The following PRKN variants were observed in gnomAD, a reference collection of about 807,000 sequenced individuals.
PRKN encodes the protein E3 ubiquitin-protein ligase parkin.
PRKN carries 56 observed loss-of-function variants against 59.5 expected under a neutral mutation model. That is an observed-to-expected ratio of 0.94 (90% confidence interval 0.76 to 1.18). PRKN has a LOEUF of 1.18. PRKN is among the 50% of genes most tolerant of loss of function. The probability of loss-of-function intolerance (pLI) is 0.00; values close to 1 mark genes in which losing one functional copy is unlikely to be tolerated. For missense variants in PRKN, 657 were observed against 596.4 expected (o/e 1.10, Z -1.06); for synonymous variants, 250 against 222.1 (o/e 1.13, Z -1.12).
Position 161,360,207 on chromosome 6 carries a change from T to C in PRKN, c.1168-2A>G, listed in dbSNP as rs1393283491. On this transcript the variant is annotated splice_acceptor_variant, in intron 10 of 11. Transcript: ENST00000366898. LOFTEE classifies it high-confidence loss of function. The surrounding 1 kb of genome is among the most constrained non-coding windows in gnomAD (Gnocchi z 5.1). Reference sequence around the variant, plus strand: ...GGCTCTTTCATCGACTCTGTAGGCCTGGGGAAACAAAGAGGAAAGGCGTTT... The same window carrying C: ...GGCTCTTTCATCGACTCTGTAGGCCCGGGGAAACAAAGAGGAAAGGCGTTT... 2 of 1,609,196 alleles carry C rather than the reference T, an allele frequency of 1.2e-6. No homozygotes were observed. Among genetic ancestry groups the C allele is most frequent in the Non-Finnish European group, 1.7e-6 (2 of 1,175,406 alleles).
chr6:161,645,856 T>C (rs1582939636), intron 7 of PRKN, among the ~76,000 whole-genome samples: 1 of 152,208 alleles, frequency 6.6e-6, no homozygotes, highest in Non-Finnish European at 1.5e-5. Flanking sequence ...GGAAATAAGT[T>C]AGAAAAGGCC....
At chr6:161,425,522 A>T (rs894590174) in intron 9 of PRKN, among the ~76,000 whole-genome samples, 1 of 151,708 alleles carries the variant, frequency 6.6e-6, no homozygotes, top group Admixed American at 6.6e-5. Flanking sequence ...TTGGTGTCCA[A>T]CGCTGGTCTC....
chr6:161,575,064 C>T lies in PRKN; in HGVS notation c.872-5648G>A, dbSNP rs1353766435. ...TTTGTGCTCTTCTGTCGTGTTTTTCCTCTAGTTATTAAACCCATCACTCAA... is the reference window on the plus strand; with the variant it reads ...TTTGTGCTCTTCTGTCGTGTTTTTCTTCTAGTTATTAAACCCATCACTCAA... On this transcript the variant is annotated intron_variant, in intron 7 of 11. Coordinates refer to ENST00000366898, the MANE Select transcript of PRKN (RefSeq NM_004562.3). The surrounding 1 kb of genome is among the most constrained non-coding windows in gnomAD (Gnocchi z 4.6). 3.9e-5 allele frequency among the ~76,000 whole-genome samples: 6 copies of T among 152,134 alleles called. No individual in the cohort carries two copies. The highest frequency in any genetic ancestry group is 1.4e-4 in the African/African-American group (6 of 41,422).
At chr6:162,375,756 C>CACAT (rs984221968) in intron 2 of PRKN, among the ~76,000 whole-genome samples, 1 of 151,860 alleles carries the variant, frequency 6.6e-6, no homozygotes, top group African/African-American at 2.4e-5. Context: ...CACACACACA[C>CACAT]ACACACACAA....
intron 4 of PRKN, among the ~76,000 whole-genome samples, chr6:162,066,975 C>G (rs1271453213): frequency 6.6e-6 from 1 of 152,176 alleles, no homozygotes; most frequent in African/African-American, 2.4e-5. Context: ...TCCCAGCTTC[C>G]CTTGCCTGAC....
chr6:162,630,821 A>T (rs1226320977), intron 1 of PRKN, among the ~76,000 whole-genome samples: 3 of 152,134 alleles, frequency 2.0e-5, no homozygotes, highest in Admixed American at 1.3e-4. Context: ...TCCCAAGTTG[A>T]TGATGAGCAT....
chr6:161,892,677 T>C (rs1048195594), intron 6 of PRKN, among the ~76,000 whole-genome samples: 5 of 152,294 alleles, frequency 3.3e-5, no homozygotes, highest in African/African-American at 1.2e-4. Flanking sequence ...AGTTAGAGGA[T>C]GCAGTGAGCT....
chr6:162,658,821 T>C (rs557088882), intron 1 of PRKN, among the ~76,000 whole-genome samples: 3 of 152,094 alleles, frequency 2.0e-5, no homozygotes, highest in African/African-American at 7.2e-5. Context: ...GTCATGTGAA[T>C]TGCAAGTACA....
intron 4 of PRKN, among the ~76,000 whole-genome samples, chr6:162,099,373 C>G (rs1779873990): frequency 6.6e-6 from 1 of 152,198 alleles, no homozygotes; most frequent in South Asian, 2.1e-4. Flanking sequence ...CATACTGAAA[C>G]AAGTTAAACT....
At chr6:161,776,927 C>A (rs1009456139) in intron 7 of PRKN, among the ~76,000 whole-genome samples, 2 of 152,112 alleles carry the variant, frequency 1.3e-5, no homozygotes, top group African/African-American at 4.8e-5. Flanking sequence ...TGAAATAGTG[C>A]TAATAAATTA....
At chr6:161,790,995 G>A (rs1046692288) in intron 6 of PRKN, among the ~76,000 whole-genome samples, 7 of 152,088 alleles carry the variant, frequency 4.6e-5, no homozygotes, top group South Asian at 4.1e-4. Context: ...AGCAGGACCC[G>A]CCAGGACTTA....
At chr6:162,706,077 T>C (rs779121963) in intron 1 of PRKN, among the ~76,000 whole-genome samples, 2 of 151,198 alleles carry the variant, frequency 1.3e-5, no homozygotes, top group Non-Finnish European at 2.9e-5. Context: ...TATTTCATTG[T>C]GGTGTCCTTG....
At chr6:161,949,480 C>T (rs1212319003) in intron 6 of PRKN, among the ~76,000 whole-genome samples, 1 of 152,144 alleles carries the variant, frequency 6.6e-6, no homozygotes, top group Non-Finnish European at 1.5e-5. Context: ...CACTGCACTC[C>T]AGCCTGGGCA....
chr6:162,179,063 G>A (rs562314292), intron 4 of PRKN, among the ~76,000 whole-genome samples: 6 of 152,076 alleles, frequency 3.9e-5, no homozygotes, highest in African/African-American at 1.2e-4. Context: ...AATTTTTTTC[G>A]TAGAGACGGA....
At chr6:162,124,498 C>G (rs1781043043) in intron 4 of PRKN, among the ~76,000 whole-genome samples, 1 of 152,052 alleles carries the variant, frequency 6.6e-6, no homozygotes, top group East Asian at 1.9e-4. Flanking sequence ...AAGAAAAGCC[C>G]ATTGAGCTGG....
At chr6:162,439,011 T>C (rs7758339) in intron 2 of PRKN, among the ~76,000 whole-genome samples, 17,502 of 152,174 alleles carry the variant, frequency 0.12, 1,387 homozygotes, top group African/African-American at 0.23. Flanking sequence ...TTGGACCGTG[T>C]CATTTCTATG....
At chr6:162,234,187 C>T (rs1778543161) in intron 3 of PRKN, among the ~76,000 whole-genome samples, 1 of 152,050 alleles carries the variant, frequency 6.6e-6, no homozygotes, top group Non-Finnish European at 1.5e-5. Flanking sequence ...CGACAATTTG[C>T]AACTAAGAAT....
intron 1 of PRKN, among the ~76,000 whole-genome samples, chr6:162,671,593 C>G (rs966139648): frequency 1.3e-5 from 2 of 151,234 alleles, no homozygotes; most frequent in African/African-American, 4.9e-5. Flanking sequence ...AAAGCAAGTA[C>G]TTTGAAACAT....
At chr6:162,276,651 GTTTGT>G (rs1780648348) in intron 2 of PRKN, among the ~76,000 whole-genome samples, 1 of 151,534 alleles carries the variant, frequency 6.6e-6, no homozygotes, top group South Asian at 2.1e-4. Flanking sequence ...CTATCTTTTT[GTTTGT>G]TTTTAGATTT....
Sources: gnomAD v4.1 joint callset for allele counts (sites outside exome capture counted in the v4.1 genomes callset) on GRCh38, gnomAD v4.1.1 for gene constraint, Gnocchi (gnomAD v3.1) non-coding constraint, MANE v1.5 for transcripts, NCBI Gene and HGNC (gene_info 2026-07-23, HGNC 2026-07-21) for gene names.